ACSF2: variants seen among roughly 807,000 people sequenced by gnomAD.
ACSF2 encodes the protein acyl-CoA synthetase family member 2, also known as medium-chain acyl-CoA ligase ACSF2, mitochondrial.
ACSF2 carries 52 observed loss-of-function variants against 79.3 expected under a neutral mutation model. The observed-to-expected ratio is 0.66, with a 90% CI of 0.53 to 0.83. The LOEUF (loss-of-function observed/expected upper bound fraction) is 0.83, where lower values mean the gene tolerates loss of function less well. Among genes scored for constraint, ACSF2 ranks in the 40% least tolerant of loss-of-function variants. ACSF2 has a pLI of 0.00. For synonymous variants in ACSF2, 283 were observed against 312.6 expected, an observed-to-expected ratio of 0.91 and a Z score of 1.00; for missense variants, 661 against 803.3, an observed-to-expected ratio of 0.82 and a Z score of 2.14.
At chr17:50,472,022 C>G (rs986547377) in intron 11 of ACSF2, 3 of 179,588 alleles carry the variant, frequency 1.7e-5, no homozygotes, top group African/African-American at 2.4e-5. Context: ...GACTCTGTCT[C>G]TCCTGTTCAC....
intron 1 of ACSF2, among the ~76,000 whole-genome samples, chr17:50,447,435 G>A (rs750796674): frequency 1.3e-5 from 2 of 151,928 alleles, no homozygotes; most frequent in Non-Finnish European, 1.5e-5. Flanking sequence ...AGCTACTCGG[G>A]GGGTGCTGGG....
At chr17:50,456,878 A>G (rs1229842448) in intron 1 of ACSF2, among the ~76,000 whole-genome samples, 2 of 152,114 alleles carry the variant, frequency 1.3e-5, no homozygotes, top group Non-Finnish European at 2.9e-5. Flanking sequence ...CTGGCAACAT[A>G]GTAAGACTCC....
intron 10 of ACSF2, chr17:50,468,009 A>AC: frequency 6.5e-7 from 1 of 1,537,046 alleles, no homozygotes; most frequent in South Asian, 1.3e-5. Context: ...GGAAGAAGGA[A>AC]CCAGGGCAGA....
intron 1 of ACSF2, among the ~76,000 whole-genome samples, chr17:50,449,550 G>A (rs1184884873): frequency 6.8e-6 from 1 of 147,516 alleles, no homozygotes; most frequent in Non-Finnish European, 1.5e-5. Flanking sequence ...GACTACAGGC[G>A]CCCGCCACCA....
Position 50,472,516 on chromosome 17 carries a change from G to A in ACSF2, c.1412G>A (p.Gly471Asp), listed in dbSNP as rs947988394. ...LCIRGYCVMLGYWGEPQKTEE... is the reference protein window; with the variant it reads ...LCIRGYCVMLDYWGEPQKTEE... ...ATCCGAGGGTACTGCGTCATGCTGG[G>A]CTACTGGGGTGAGCCTCAGAAGACA... is the stretch of plus-strand genomic sequence containing the variant. The change falls in exon 12 of 16, where the codon GGC (glycine) becomes GAC (aspartate). Residue 471 changes from glycine to aspartate, a missense_variant. Gly to Asp is a moderately conservative substitution (Grantham distance 94). Coordinates refer to ENST00000300441, the MANE Select transcript of ACSF2 (RefSeq NM_025149.6). The A allele has an allele frequency of 8.1e-6, 13 of 1,612,904 alleles. No individual in the cohort carries two copies. The highest frequency in any genetic ancestry group is 1.0e-5 in the Non-Finnish European group (12 of 1,179,414).
intron 6 of ACSF2, chr17:50,462,944 TG>T: frequency 1.7e-6 from 1 of 593,880 alleles, no homozygotes; most frequent in Non-Finnish European, 3.0e-6. Flanking sequence ...CTCTGGGCCA[TG>T]TAAGTGGCAT....
intron 1 of ACSF2, chr17:50,460,320 T>A (rs1274206438): frequency 2.1e-6 from 1 of 470,926 alleles, no homozygotes; most frequent in Non-Finnish European, 4.2e-6. Context: ...ACCTGTTTAT[T>A]CTCCAGGAGG....
intron 1 of ACSF2, among the ~76,000 whole-genome samples, chr17:50,443,208 A>G (rs1317637231): frequency 6.6e-6 from 1 of 152,144 alleles, no homozygotes; most frequent in Non-Finnish European, 1.5e-5. Flanking sequence ...GCGCCCGGCC[A>G]GGTTTTTGTT....
At chr17:50,444,307 C>T (rs1217829330) in intron 1 of ACSF2, among the ~76,000 whole-genome samples, 1 of 152,152 alleles carries the variant, frequency 6.6e-6, no homozygotes, top group African/African-American at 2.4e-5. Flanking sequence ...AATCCCAGCA[C>T]TTTGGGAGGC....
In ACSF2 at chr17:50,426,328, GC is replaced by G; in HGVS notation, c.70del (p.Arg24GlyfsTer77). 1 of 1,420,674 alleles carries G rather than the reference GC, an allele frequency of 7.0e-7. No homozygotes were observed. Among genetic ancestry groups the G allele is most frequent in the Non-Finnish European group, 9.3e-7 (1 of 1,080,546 alleles). The allele number at this position is 1,420,674 out of a possible 1,614,324, so 88.0% of individuals were successfully genotyped here. A position where few individuals can be genotyped will look rare whatever the true frequency, so the allele number is the denominator to read the frequency against. Reference protein sequence around the residue: ...LCAGSSGVLGARAALSRSWQE... With the variant: ...LCAGSSGVLGXRAALSRSWQE... ...CGCCGGGAGCTCGGGGGTGCTGGGG[GC>G]CCGGGCCGCCCTCTCTCGGAGTTGG... is the stretch of plus-strand genomic sequence containing the variant. On this transcript the variant is annotated frameshift_variant, in exon 1 of 16. Coordinates refer to ENST00000300441, the MANE Select transcript of ACSF2 (RefSeq NM_025149.6). LOFTEE classifies it high-confidence loss of function.
intron 1 of ACSF2, among the ~76,000 whole-genome samples, chr17:50,451,374 A>G (rs977771606): frequency 6.6e-6 from 1 of 152,182 alleles, no homozygotes; most frequent in African/African-American, 2.4e-5. Context: ...CAGCTGAATC[A>G]TTTTACATTC....
Position 50,468,634 on chromosome 17 carries a change from G to A in ACSF2, c.1216-2394G>A, listed in dbSNP as rs200403988. 4.5e-4 allele frequency: 734 copies of A among 1,614,230 alleles called. 15 individuals carry two copies. The East Asian group carries it at 0.013, about 28-fold the overall frequency. Reference sequence around the variant, plus strand: ...TGGCAGCCAGCACCGGGAAGTTGTTGCGCTGTAGGTTGAGCAGCTTGGTCT... The same window carrying A: ...TGGCAGCCAGCACCGGGAAGTTGTTACGCTGTAGGTTGAGCAGCTTGGTCT... On this transcript the variant is annotated intron_variant, in intron 10 of 15. Transcript: ENST00000300441.
intron 2 of ACSF2, 134 bp downstream of exon 2, chr17:50,461,006 C>T: frequency 8.4e-7 from 1 of 1,196,072 alleles, no homozygotes; most frequent in Non-Finnish European, 1.2e-6. Context: ...CGAGGGATGG[C>T]AGGAGAAGGA....
chr17:50,462,371 C>G (rs1037404482), intron 5 of ACSF2, 49 bp from the exon 6 acceptor site: 1 of 1,605,530 alleles, frequency 6.2e-7, no homozygotes, highest in Non-Finnish European at 8.5e-7. Flanking sequence ...TCCTACCCAC[C>G]CTGCCCCCTC....
intron 1 of ACSF2, among the ~76,000 whole-genome samples, chr17:50,438,673 GCTCCTGCCTCAGC>G (rs2030628797): frequency 6.6e-6 from 1 of 151,948 alleles, no homozygotes; most frequent in African/African-American, 2.4e-5. Flanking sequence ...TTCAAGAGAT[GCTCCTGCCTCAGC>G]CTCCCGAGTA....
chr17:50,468,156 C>A, intron 10 of ACSF2: 1 of 1,614,210 alleles, frequency 6.2e-7, no homozygotes, highest in Non-Finnish European at 8.5e-7. Flanking sequence ...TCCTCCACCA[C>A]CCGTAGCTTG....
chr17:50,449,554 G>A (rs1290246261), intron 1 of ACSF2, among the ~76,000 whole-genome samples: 4 of 150,762 alleles, frequency 2.7e-5, no homozygotes, highest in East Asian at 1.9e-4. Context: ...ACAGGCGCCC[G>A]CCACCACGCC....
intron 10 of ACSF2, chr17:50,464,956 G>A: frequency 2.8e-6 from 1 of 363,096 alleles, no homozygotes; most frequent in Admixed American, 4.1e-5. Flanking sequence ...CATCAGCAGA[G>A]GCTGTGGGGA....
chr17:50,443,386 A>G (rs1264077123), intron 1 of ACSF2, among the ~76,000 whole-genome samples: 2 of 152,224 alleles, frequency 1.3e-5, no homozygotes, highest in Non-Finnish European at 2.9e-5. Flanking sequence ...ATCCAGATTT[A>G]CAGGTTTTGA....
Sources: allele counts gnomAD v4.1 joint callset (sites outside exome capture counted in the v4.1 genomes callset), GRCh38; gene constraint gnomAD v4.1.1; transcripts MANE v1.5; gene names NCBI Gene and HGNC (gene_info 2026-07-23, HGNC 2026-07-21).